Variants in RALGAPA2 observed in about 807,000 individuals in gnomAD.
RALGAPA2 encodes Ral GTPase activating protein catalytic subunit alpha 2.
In RALGAPA2, 139 loss-of-function variants were observed where a neutral mutation model predicts 230.4. The ratio of observed to expected loss-of-function variants is 0.60; its 90% confidence interval spans 0.53 to 0.69. The LOEUF (loss-of-function observed/expected upper bound fraction) is 0.69. Among genes scored for constraint, RALGAPA2 ranks in the 30% least tolerant of loss-of-function variants. The pLI is 0.00. For missense variants in RALGAPA2, 2,163 were observed against 2,276.0 expected (o/e 0.95, Z 1.01); for synonymous variants, 847 against 837.8 (o/e 1.01, Z -0.19).
intron 3 of RALGAPA2, among the ~76,000 whole-genome samples, chr20:20,671,624 A>G (rs1401552474): frequency 6.6e-6 from 1 of 152,226 alleles, no homozygotes; most frequent in Non-Finnish European, 1.5e-5. Flanking sequence ...TTTATTATTC[A>G]CTCATATTTA....
At chr20:20,525,746 T>C (rs1270023610) in intron 28 of RALGAPA2, among the ~76,000 whole-genome samples, 1 of 152,168 alleles carries the variant, frequency 6.6e-6, no homozygotes, top group Non-Finnish European at 1.5e-5. Context: ...TGGAGAAGAT[T>C]CTTCCTATTC....
At chr20:20,393,603 T>C (rs375599419) in intron 39 of RALGAPA2, among the ~76,000 whole-genome samples, 2 of 152,092 alleles carry the variant, frequency 1.3e-5, no homozygotes, top group African/African-American at 4.8e-5. Context: ...CTGGAGTCAA[T>C]GGAAAAGCCC....
At position 20,573,632 on chromosome 20, in the gene RALGAPA2, A is replaced by C. The variant is rs140401187; in HGVS notation, c.2708-564T>G. Among the ~76,000 whole-genome samples, 1,112 of 152,296 alleles carry C rather than the reference A, an allele frequency of 7.3e-3. 12 individuals carry two copies. The highest frequency in any genetic ancestry group is 0.026 in the African/African-American group (1,066 of 41,560). On this transcript the variant is annotated intron_variant, in intron 20 of 39. Transcript: ENST00000202677. Reference sequence around the variant, plus strand: ...CCTTCCTCTATTCTCAGCCTCTTGCAACTACTGCTTTGTTCTCTGTTCCTA... The same window carrying C: ...CCTTCCTCTATTCTCAGCCTCTTGCCACTACTGCTTTGTTCTCTGTTCCTA...
At chr20:20,696,448 C>CGT (rs1270069499) in intron 1 of RALGAPA2, among the ~76,000 whole-genome samples, 1 of 152,092 alleles carries the variant, frequency 6.6e-6, no homozygotes, top group Admixed American at 6.5e-5. Flanking sequence ...GAGGGAACCA[C>CGT]ATTGATTCCT....
intron 37 of RALGAPA2, among the ~76,000 whole-genome samples, chr20:20,436,326 T>G (rs1332841638): frequency 6.6e-6 from 1 of 152,230 alleles, no homozygotes; most frequent in East Asian, 1.9e-4. Flanking sequence ...TCTCTACACA[T>G]GTGCTTTGCA....
intron 36 of RALGAPA2, among the ~76,000 whole-genome samples, chr20:20,484,933 G>T (rs938614274): frequency 6.6e-6 from 1 of 152,154 alleles, no homozygotes; most frequent in Non-Finnish European, 1.5e-5. Flanking sequence ...GGGGCTAACC[G>T]ATTTGCTGTA....
At chr20:20,636,656 C>A (rs138957280) in intron 8 of RALGAPA2, among the ~76,000 whole-genome samples, 1 of 152,042 alleles carries the variant, frequency 6.6e-6, no homozygotes. Flanking sequence ...AGTAACATCT[C>A]GTGTCACCAC....
intron 16 of RALGAPA2, 34 bp from the exon 17 acceptor site, chr20:20,591,348 T>C: frequency 6.3e-7 from 1 of 1,586,366 alleles, no homozygotes; most frequent in Non-Finnish European, 8.6e-7. Flanking sequence ...AAAGTTACAG[T>C]TCAAGTTTTT....
intron 3 of RALGAPA2, among the ~76,000 whole-genome samples, chr20:20,655,739 G>A (rs1568713235): frequency 6.6e-6 from 1 of 152,120 alleles, no homozygotes; most frequent in East Asian, 1.9e-4. Flanking sequence ...GAGAGGCAAT[G>A]GTAGCATTTC....
chr20:20,672,175 A>G (rs758868469), intron 3 of RALGAPA2, among the ~76,000 whole-genome samples: 8 of 152,198 alleles, frequency 5.3e-5, no homozygotes, highest in Admixed American at 3.3e-4. Flanking sequence ...GCTCTCAATC[A>G]AGAGCATTCC....
Position 20,503,458 on chromosome 20 carries a change from C to T in RALGAPA2, c.5101G>A (p.Gly1701Ser), listed in dbSNP as rs1429990159. Residue 1701 changes from glycine to serine, a missense_variant, in exon 35 of 40, where the codon GGC (glycine) becomes AGC (serine). Transcript: ENST00000202677. ...CGFMGGLQRN[G>S]STGQTAPYYA... ...TAAGGGGCCGTCTGCCCGGTGCTGCCATTGCGCTGAAGGCCACCCATGAAC... is the reference window on the plus strand; with the variant it reads ...TAAGGGGCCGTCTGCCCGGTGCTGCTATTGCGCTGAAGGCCACCCATGAAC... 4 of 1,606,468 alleles carry T rather than the reference C, an allele frequency of 2.5e-6. No individual in the cohort carries two copies. Among genetic ancestry groups the T allele is most frequent in the Non-Finnish European group, 3.4e-6 (4 of 1,176,700 alleles).
intron 8 of RALGAPA2, among the ~76,000 whole-genome samples, chr20:20,636,558 A>ATG (rs1290152116): frequency 7.0e-4 from 94 of 134,828 alleles, no homozygotes; most frequent in Middle Eastern, 3.7e-3. Flanking sequence ...GTGTGTGTGT[A>ATG]TGTGTGTGTG....
rs563277538 is a variant in RALGAPA2 at position 20,458,389 on chromosome 20, AT to A, written c.5495+14439del. Among the ~76,000 whole-genome samples, 89 of 145,192 alleles carry A rather than the reference AT, an allele frequency of 6.1e-4. 1 individual carries two copies. Among genetic ancestry groups the A allele is most frequent in the African/African-American group, 1.8e-3 (70 of 39,080 alleles). On this transcript the variant is annotated intron_variant, in intron 37 of 39. Coordinates refer to ENST00000202677, the MANE Select transcript of RALGAPA2 (RefSeq NM_020343.4). ...GAATCTGTTTGTCCAAAAAAAATAC[AT>A]TTTTTATACATATAATATATGTTAT...
At chr20:20,531,587 G>T in intron 27 of RALGAPA2, 100 bp downstream of exon 27, 3 of 1,020,918 alleles carry the variant, frequency 2.9e-6, no homozygotes, top group South Asian at 2.8e-5. Context: ...CAATCCCTCT[G>T]TCATTTGGGG....
chr20:20,559,839 G>T (rs2064203516), intron 23 of RALGAPA2, among the ~76,000 whole-genome samples: 1 of 152,204 alleles, frequency 6.6e-6, no homozygotes, highest in Non-Finnish European at 1.5e-5. Context: ...AAATGGGAAT[G>T]AAAATGCATC....
intron 36 of RALGAPA2, among the ~76,000 whole-genome samples, chr20:20,488,326 T>C (rs111613015): frequency 1.2e-4 from 19 of 152,304 alleles, no homozygotes; most frequent in African/African-American, 4.1e-4. Flanking sequence ...CTCACAAAAG[T>C]GTGGAGGATT....
intron 20 of RALGAPA2, 102 bp from the exon 21 acceptor site, chr20:20,573,170 T>A (rs2064705680): frequency 9.5e-7 from 1 of 1,056,976 alleles, no homozygotes; most frequent in Non-Finnish European, 1.3e-6. Context: ...GTAAAATAAT[T>A]AAGGCAAAAA....
At chr20:20,628,685 T>C (rs981251408) in intron 10 of RALGAPA2, among the ~76,000 whole-genome samples, 2 of 152,216 alleles carry the variant, frequency 1.3e-5, no homozygotes, top group Non-Finnish European at 2.9e-5. Context: ...CCAGTTGTGA[T>C]GACCAAAACT....
At chr20:20,657,337 T>C (rs954617491) in intron 3 of RALGAPA2, among the ~76,000 whole-genome samples, 4 of 152,200 alleles carry the variant, frequency 2.6e-5, no homozygotes, top group African/African-American at 9.6e-5. Flanking sequence ...GGGGCCATGA[T>C]GCAAAGAGTA....
Sources: allele counts gnomAD v4.1 joint callset (sites outside exome capture counted in the v4.1 genomes callset), GRCh38; gene constraint gnomAD v4.1.1; transcripts MANE v1.5; gene names NCBI Gene and HGNC (gene_info 2026-07-23, HGNC 2026-07-21).